The following ZFR variants were observed in gnomAD, a reference collection of about 807,000 sequenced individuals.
ZFR encodes the protein zinc finger RNA-binding protein.
A neutral mutation model predicts 130.7 loss-of-function variants in ZFR; 19 were observed. The ratio of observed to expected loss-of-function variants is 0.15; its 90% CI spans 0.10 to 0.21. The LOEUF (loss-of-function observed/expected upper bound fraction) is 0.21, where lower values mean the gene tolerates loss of function less well. ZFR is among the 10% of genes least tolerant of loss of function. The pLI is 1.00. For synonymous variants in ZFR, 466 were observed against 456.9 expected (o/e 1.02, Z -0.25); for missense variants, 872 against 1,321.5 (o/e 0.66, Z 5.27).
chr5:32,438,249 GA>G (rs72390030), intron 2 of ZFR, among the ~76,000 whole-genome samples: 1,913 of 80,184 alleles, frequency 0.024, 91 homozygotes, highest in African/African-American at 0.034. Context: ...GATTTTATCT[GA>G]AAATTTTTTT....
At chr5:32,375,468 A>T (rs1752782076) in intron 17 of ZFR, among the ~76,000 whole-genome samples, 1 of 152,238 alleles carries the variant, frequency 6.6e-6, no homozygotes, top group Non-Finnish European at 1.5e-5. Flanking sequence ...TAAAATAGAA[A>T]AACAAGTATT....
At chr5:32,420,225 C>A (rs898406206) in intron 2 of ZFR, 122 bp from the exon 3 acceptor site, 2 of 1,136,854 alleles carry the variant, frequency 1.8e-6, no homozygotes, top group African/African-American at 3.1e-5. Flanking sequence ...AATGACGGAC[C>A]ACAAAAGGTC....
At position 32,390,405 on chromosome 5, in the gene ZFR, A is replaced by T. The variant is rs1328888448; in HGVS notation, c.2012T>A (p.Met671Lys). The T allele has an allele frequency of 6.2e-7, 1 of 1,614,142 alleles. No individual in the cohort carries two copies. The change falls in exon 12 of 20, where the codon ATG becomes AAG. Residue 671 changes from methionine (M) to lysine (K), a missense_variant. Met to Lys is a moderately conservative substitution (Grantham distance 95, BLOSUM62 -1). This residue lies in a region of ZFR where 225 missense variants were observed against 282.4 expected (regional missense o/e 0.80). Transcript: ENST00000265069. ...ATCCCAATGATGTTGTTCTTCCTCC[A>T]TTCTCCTCCAGTACATGTCCTCTTC... ...RYEEDMYWRR[M>K]EEEQHHWDDR...
At chr5:32,413,759 A>AAT (rs1389288397) in intron 5 of ZFR, among the ~76,000 whole-genome samples, 2 of 152,246 alleles carry the variant, frequency 1.3e-5, no homozygotes, top group Admixed American at 1.3e-4. Flanking sequence ...AGAGACAGTA[A>AAT]AGTCCTATCT....
intron 5 of ZFR, among the ~76,000 whole-genome samples, chr5:32,409,896 G>A (rs1462708274): frequency 1.3e-5 from 2 of 151,932 alleles, no homozygotes; most frequent in Admixed American, 1.3e-4. Flanking sequence ...CAGCTACTCA[G>A]GAGGCTGAGG....
chr5:32,429,705 T>A (rs1190287307), intron 2 of ZFR, among the ~76,000 whole-genome samples: 2 of 152,120 alleles, frequency 1.3e-5, no homozygotes, highest in Non-Finnish European at 2.9e-5. Flanking sequence ...TGCTTCCAGG[T>A]CACACAAAAC....
At chr5:32,364,524 A>C (rs939340586) in intron 17 of ZFR, 2 of 201,504 alleles carry the variant, frequency 9.9e-6, no homozygotes, top group Non-Finnish European at 2.0e-5. Flanking sequence ...GGGGTTAAAG[A>C]CCAGCCTGGG....
chr5:32,383,009 T>C (rs1752965178), intron 15 of ZFR, among the ~76,000 whole-genome samples: 1 of 152,124 alleles, frequency 6.6e-6, no homozygotes, highest in South Asian at 2.1e-4. Context: ...TTTTAAGGGG[T>C]TAATCACCAA....
chr5:32,376,815 C>T (rs1581685077), intron 17 of ZFR, among the ~76,000 whole-genome samples: 1 of 151,830 alleles, frequency 6.6e-6, no homozygotes, highest in African/African-American at 2.4e-5. Context: ...CCATCTCTAC[C>T]AAAAATACAA....
intron 17 of ZFR, among the ~76,000 whole-genome samples, chr5:32,366,138 G>A (rs1752541771): frequency 6.6e-6 from 1 of 152,132 alleles, no homozygotes; most frequent in Non-Finnish European, 1.5e-5. Flanking sequence ...ATGATGACAT[G>A]GAATGATTTT....
At position 32,444,258 on chromosome 5, in the gene ZFR, C is replaced by T; in HGVS notation, c.108G>A (p.Ala36=). Residue 36 remains alanine (A), a synonymous_variant, in exon 2 of 20, where the codon GCG becomes GCA. Transcript: ENST00000265069. ...ATTGGGCCGCAGCCGCCGCCGCCGC[C>T]GCCCCGCTGTGGGTGAATCCAAAGT... The part of the protein sequence containing the change: ...GNYFGFTHSG[A]AAAAAAAQYS... The T allele has an allele frequency of 6.4e-7, 1 of 1,571,150 alleles. No homozygotes were observed. The highest frequency in any genetic ancestry group is 8.6e-7 in the Non-Finnish European group (1 of 1,160,152).
chr5:32,444,097 C>T, intron 2 of ZFR, 132 bp downstream of exon 2: 2 of 903,642 alleles, frequency 2.2e-6, no homozygotes, highest in Non-Finnish European at 2.9e-6. Context: ...GGCCGCCGGG[C>T]TGGGCCGGGC....
At chr5:32,442,712 C>A (rs1399895704) in intron 2 of ZFR, among the ~76,000 whole-genome samples, 1 of 151,964 alleles carries the variant, frequency 6.6e-6, no homozygotes, top group African/African-American at 2.4e-5. Context: ...AGTGTCTTAA[C>A]TGGCAGCATT....
chr5:32,377,664 T>G (rs1347291562), intron 17 of ZFR, among the ~76,000 whole-genome samples: 1 of 151,912 alleles, frequency 6.6e-6, no homozygotes, highest in Non-Finnish European at 1.5e-5. Flanking sequence ...ATTATGCAAT[T>G]AAAGAAATAC....
At chr5:32,373,062 CCAAAA>C (rs932611118) in intron 17 of ZFR, among the ~76,000 whole-genome samples, 53 of 152,096 alleles carry the variant, frequency 3.5e-4, no homozygotes, top group African/African-American at 1.2e-3. Flanking sequence ...TTATTATTTA[CCAAAA>C]CAAAAGTAAC....
intron 18 of ZFR, 39 bp downstream of exon 18, chr5:32,364,125 A>G: frequency 6.3e-7 from 1 of 1,596,516 alleles, no homozygotes; most frequent in Non-Finnish European, 8.6e-7. Context: ...CAAATGAGTA[A>G]ACTTCATTTT....
At chr5:32,427,371 T>C (rs528606901) in intron 2 of ZFR, among the ~76,000 whole-genome samples, 2,133 of 94,844 alleles carry the variant, frequency 0.022, 26 homozygotes, top group Non-Finnish European at 0.03. Flanking sequence ...CAAGACTCTG[T>C]CTCAAAAAAA....
chr5:32,385,016 A>G (rs1462224795), intron 15 of ZFR, among the ~76,000 whole-genome samples: 1 of 152,112 alleles, frequency 6.6e-6, no homozygotes, highest in African/African-American at 2.4e-5. Context: ...ACCACAGGAC[A>G]AGCCAAATCC....
intron 17 of ZFR, chr5:32,364,810 T>C (rs1752507913): frequency 1.3e-5 from 2 of 152,212 alleles, no homozygotes; most frequent in South Asian, 4.1e-4. Context: ...AAGGGTCTCA[T>C]GATAAAAATT....
Sources: allele counts gnomAD v4.1 joint callset (sites outside exome capture counted in the v4.1 genomes callset), GRCh38; gene constraint gnomAD v4.1.1; regional missense constraint gnomAD v4.1.1; transcripts MANE v1.5; gene names NCBI Gene and HGNC (gene_info 2026-07-23, HGNC 2026-07-21).